SVIL: variants seen among roughly 807,000 people sequenced by gnomAD.
SVIL encodes archvillin.
Under a neutral mutation model 240.4 loss-of-function variants are expected in SVIL, and 101 were observed. The observed-to-expected ratio is 0.42, with a 90% CI of 0.36 to 0.50. The LOEUF is 0.50. Among genes scored for constraint, SVIL ranks in the 20% least tolerant of loss-of-function variants. The pLI, the probability that SVIL is intolerant of heterozygous loss-of-function variation, is 0.01. For synonymous variants in SVIL, 999 were observed against 1,100.0 expected (o/e 0.91, Z 1.82); for missense variants, 2,512 against 2,818.7 (o/e 0.89, Z 2.46).
At chr10:29,474,052 T>C in intron 29 of SVIL, 63 bp from the exon 30 acceptor site, 1 of 1,579,798 alleles carries the variant, frequency 6.3e-7, no homozygotes, top group South Asian at 1.1e-5. Context: ...GAAGCAAATG[T>C]CTGGCTCACT....
In SVIL at chr10:29,467,838, C is replaced by T; in HGVS notation, c.5881G>A (p.Val1961Ile). 1 of 1,614,172 alleles carries T rather than the reference C, an allele frequency of 6.2e-7. No individual in the cohort carries two copies. The highest frequency in any genetic ancestry group is 8.5e-7 in the Non-Finnish European group (1 of 1,180,020). Residue 1961 changes from valine (V) to isoleucine (I), a missense_variant, in exon 33 of 38, where the codon GTC becomes ATC. Val to Ile is a conservative substitution (Grantham distance 29). Around this residue, in one of 3 missense-constraint regions of SVIL, gnomAD observed 797 missense variants for 925.3 expected, o/e 0.86. Transcript: ENST00000355867. ...LEAGLHSSSK[V>I]TIHECDEGSE... The stretch of plus-strand genomic sequence containing the variant: ...CCTTCATCACACTCGTGTATTGTGA[C>T]TTTGCTGCTACTATGCAGTCCTGCT...
At chr10:29,608,697 G>A (rs1957119623) in intron 1 of SVIL, among the ~76,000 whole-genome samples, 2 of 152,266 alleles carry the variant, frequency 1.3e-5, no homozygotes, top group Non-Finnish European at 2.9e-5. Context: ...GTGGGAGGGA[G>A]GCTGGGGGCA....
At chr10:29,702,082 G>A (rs1023216666) in intron 1 of SVIL, among the ~76,000 whole-genome samples, 1 of 147,954 alleles carries the variant, frequency 6.8e-6, no homozygotes, top group Non-Finnish European at 1.5e-5. Context: ...GGCTGAGGCA[G>A]GAGAATCACT....
At chr10:29,619,674 A>G (rs1027427406) in intron 1 of SVIL, among the ~76,000 whole-genome samples, 20 of 152,234 alleles carry the variant, frequency 1.3e-4, no homozygotes, top group African/African-American at 4.8e-4. Context: ...TGAGAAAGCC[A>G]CAACTGCCAA....
At chr10:29,669,932 A>C (rs901127604) in intron 2 of SVIL, among the ~76,000 whole-genome samples, 2 of 152,032 alleles carry the variant, frequency 1.3e-5, no homozygotes, top group Admixed American at 1.3e-4. Context: ...TAGGCAACTC[A>C]GGGAGACCTT....
intron 3 of SVIL, among the ~76,000 whole-genome samples, chr10:29,652,494 T>G (rs1319019558): frequency 6.6e-6 from 1 of 152,224 alleles, no homozygotes; most frequent in African/African-American, 2.4e-5. Context: ...GTATTATGAA[T>G]AATGCTGCTA....
In SVIL at chr10:29,735,532, C is replaced by T. The variant is rs1487449328; in HGVS notation, c.-400+219G>A. Among the ~76,000 whole-genome samples, 1 of 150,630 alleles carries T rather than the reference C, an allele frequency of 6.6e-6. No homozygotes were observed. The highest frequency in any genetic ancestry group is 1.5e-5 in the Non-Finnish European group (1 of 67,314). On this transcript the variant is annotated intron_variant, in intron 1 of 35. Transcript: ENST00000375400. This position sits in a 1 kb window ranked among gnomAD's most constrained non-coding sequence, Gnocchi z 4.1. Reference sequence around the variant, plus strand: ...TGTTACGGCTCGGGGACCCCGCGGGCCGAGCGCAGCGCCCCGTCGCAGCGG... The same window carrying T: ...TGTTACGGCTCGGGGACCCCGCGGGTCGAGCGCAGCGCCCCGTCGCAGCGG...
At chr10:29,471,042 A>G (rs1365959994) in intron 31 of SVIL, 96 bp downstream of exon 31, 4 of 1,141,582 alleles carry the variant, frequency 3.5e-6, no homozygotes, top group Non-Finnish European at 5.2e-6. Flanking sequence ...AGCCACAGCT[A>G]GATGAAGACA....
rs530787733 is a variant in SVIL, at chr10:29,537,637, A to G, written c.828-1568T>C. 1.6e-4 allele frequency among the ~76,000 whole-genome samples: 24 copies of G among 152,374 alleles called. No individual in the cohort carries two copies. In the South Asian group the frequency reaches 5.0e-3, roughly 32 times the overall value. ...CTATCTGCAAGAATTTTTCAACACC[A>G]GGCTGGAAACACATTGCAGCTCAAA... On this transcript the variant is annotated intron_variant, in intron 6 of 37. Transcript: ENST00000355867.
chr10:29,678,006 T>C (rs1564755485), intron 2 of SVIL, among the ~76,000 whole-genome samples: 1 of 152,266 alleles, frequency 6.6e-6, no homozygotes, highest in East Asian at 1.9e-4. Flanking sequence ...AAGTCATTTA[T>C]CTTCCTTTTA....
rs1301472458 is a variant in SVIL, at chr10:29,519,244, C to G, written c.3389+3166G>C. Among the ~76,000 whole-genome samples, 4 of 152,280 alleles carry G rather than the reference C, an allele frequency of 2.6e-5. No homozygotes were observed. The East Asian group carries it at 7.7e-4, about 29-fold the overall frequency. ...ACCGTATTCTCCTGGTTAGAGCACA[C>G]GGGGTTGGCTGCTCTAACACTAATC... On this transcript the variant is annotated intron_variant, in intron 16 of 37. Transcript: ENST00000355867.
intron 1 of SVIL, among the ~76,000 whole-genome samples, chr10:29,582,651 A>C (rs1211786511): frequency 1.3e-5 from 2 of 151,954 alleles, no homozygotes; most frequent in Non-Finnish European, 2.9e-5. Flanking sequence ...AGGATTACTT[A>C]AGCCCAGAAA....
At chr10:29,667,562 C>T (rs2133051034) in intron 2 of SVIL, among the ~76,000 whole-genome samples, 1 of 152,112 alleles carries the variant, frequency 6.6e-6, no homozygotes, top group Admixed American at 6.5e-5. Flanking sequence ...CTTCTCAAAA[C>T]ACACCTGGGC....
chr10:29,637,256 G>C (rs529789100), upstream of SVIL, among the ~76,000 whole-genome samples: 1 of 152,106 alleles, frequency 6.6e-6, no homozygotes, highest in Non-Finnish European at 1.5e-5. Context: ...AGGCCGAGGC[G>C]GGTGGATCAC....
At position 29,532,141 on chromosome 10, in the gene SVIL, G is replaced by A. The variant is rs747695934; in HGVS notation, c.1870C>T (p.Pro624Ser). 6.2e-7 allele frequency: 1 copy of A among 1,613,916 alleles called. No individual in the cohort carries two copies. The highest frequency in any genetic ancestry group is 1.1e-5 in the South Asian group (1 of 91,074). ...CGTTCCACACCGGTGGGCAAGCCAG[G>A]TCCTTCAGCCGACCTCTCCACCCGT... ...KSRVERSAEGPGLPTGVERER... is the reference protein window; with the variant it reads ...KSRVERSAEGSGLPTGVERER... The change falls in exon 9 of 38, where the codon CCT (proline) becomes TCT (serine). Residue 624 changes from proline to serine, a missense_variant. Transcript: ENST00000355867.
At chr10:29,461,261 C>T (rs10740803) in intron 36 of SVIL, among the ~76,000 whole-genome samples, 71,742 of 151,976 alleles carry the variant, frequency 0.47, 18,486 homozygotes, top group African/African-American at 0.67. Flanking sequence ...CCATAGAGCT[C>T]GTAATCCCTA....
rs1589574461 is a variant in SVIL, at chr10:29,719,711, A to G, written c.-400+16040T>C. 3.3e-5 allele frequency among the ~76,000 whole-genome samples: 5 copies of G among 152,356 alleles called. 1 individual carries two copies. In the Middle Eastern group the frequency reaches 0.017, roughly 518 times the overall value. ...AGACTGGATAGGATTAATAGCAGGT[A>G]GACATTTCAGAAGAAAAGACTATTG... On this transcript the variant is annotated intron_variant, in intron 1 of 35. Coordinates refer to the SVIL transcript ENST00000375400.
At chr10:29,504,455 C>T (rs910672647) in intron 17 of SVIL, among the ~76,000 whole-genome samples, 2 of 152,158 alleles carry the variant, frequency 1.3e-5, no homozygotes, top group African/African-American at 4.8e-5. Context: ...TAAAGGACTA[C>T]TACCCCAAAT....
upstream of SVIL, among the ~76,000 whole-genome samples, chr10:29,639,857 T>C (rs562742220): frequency 1.3e-5 from 2 of 152,270 alleles, no homozygotes; most frequent in East Asian, 3.9e-4. Context: ...GGGCCCTTTA[T>C]CTTCTCAGTT....
Sources: gnomAD v4.1 joint callset for allele counts (sites outside exome capture counted in the v4.1 genomes callset) on GRCh38, gnomAD v4.1.1 for gene constraint, gnomAD v4.1.1 regional missense constraint, Gnocchi (gnomAD v3.1) non-coding constraint, MANE v1.5 for transcripts, NCBI Gene and HGNC (gene_info 2026-07-23, HGNC 2026-07-21) for gene names.